The following DENND5B variants were observed in gnomAD, a reference collection of about 807,000 sequenced individuals.
DENND5B encodes the protein DENN domain containing 5B.
Under a neutral mutation model 140.6 loss-of-function variants are expected in DENND5B, and 34 were observed. The observed-to-expected ratio is 0.24, with a 90% confidence interval of 0.18 to 0.32. DENND5B has a LOEUF of 0.32. Among genes scored for constraint, DENND5B ranks in the 10% least tolerant of loss-of-function variants. The pLI is 1.00. For synonymous variants in DENND5B, 551 were observed against 562.1 expected (o/e 0.98, Z 0.28); for missense variants, 1,142 against 1,560.2 (o/e 0.73, Z 4.52).
intron 1 of DENND5B, among the ~76,000 whole-genome samples, chr12:31,562,140 G>C (rs1355750875): frequency 1.3e-5 from 2 of 152,096 alleles, no homozygotes; most frequent in African/African-American, 2.4e-5. Context: ...CCCTCAAGTA[G>C]CTTCAAGTCT....
At chr12:31,544,179 A>T (rs1948776828) in intron 1 of DENND5B, among the ~76,000 whole-genome samples, 1 of 152,282 alleles carries the variant, frequency 6.6e-6, no homozygotes, top group Non-Finnish European at 1.5e-5. Context: ...TAATGAATGA[A>T]TTAATTAAAT....
chr12:31,523,477 G>T (rs1947976379), intron 1 of DENND5B, among the ~76,000 whole-genome samples: 1 of 152,156 alleles, frequency 6.6e-6, no homozygotes, highest in East Asian at 1.9e-4. Context: ...AGTGGCCTAA[G>T]TGTAAGGCAA....
At chr12:31,458,817 A>G (rs1565599291) in intron 4 of DENND5B, among the ~76,000 whole-genome samples, 1 of 152,154 alleles carries the variant, frequency 6.6e-6, no homozygotes, top group Non-Finnish European at 1.5e-5. Flanking sequence ...CTAGTGATAT[A>G]ATGTAATTAA....
chr12:31,499,789 A>G, intron 1 of DENND5B: 1 of 682,584 alleles, frequency 1.5e-6, no homozygotes, highest in Non-Finnish European at 2.2e-6. Context: ...CACACAGGAG[A>G]CATTAACATT....
Position 31,383,685 on chromosome 12 carries a change from ACT to A in DENND5B, c.*3916_*3917del, listed in dbSNP as rs1183171977. The A allele has an allele frequency of 2.6e-5, 4 of 151,886 alleles. No homozygotes were observed. The highest frequency in any genetic ancestry group is 9.7e-5 in the African/African-American group (4 of 41,342). 9.4% of individuals were successfully genotyped at this position (151,886 alleles called of 1,614,324 possible). On this transcript the variant is annotated 3_prime_UTR_variant, in exon 21 of 21. Transcript: ENST00000389082. ...AGTAGCCTGCTTTTTCCCACGTAGG[ACT>A]CCACTTTATACTACTTCACACTGAC...
At chr12:31,508,938 T>C (rs973060392) in intron 1 of DENND5B, among the ~76,000 whole-genome samples, 7 of 152,102 alleles carry the variant, frequency 4.6e-5, no homozygotes, top group African/African-American at 1.7e-4. Context: ...AAAAGTCAAG[T>C]CACCTTTGGG....
intron 13 of DENND5B, 49 bp downstream of exon 13, chr12:31,413,387 T>C: frequency 2.5e-6 from 4 of 1,581,284 alleles, no homozygotes; most frequent in Non-Finnish European, 3.4e-6. Context: ...ACTTGTTTTG[T>C]ATGCACATGG....
At chr12:31,567,562 T>A (rs571853217) in intron 1 of DENND5B, among the ~76,000 whole-genome samples, 3 of 147,852 alleles carry the variant, frequency 2.0e-5, no homozygotes, top group East Asian at 2.0e-4. Flanking sequence ...CTAATTGGTT[T>A]CCCCACTTCA....
At position 31,441,784 on chromosome 12, in the gene DENND5B, G is replaced by A. The variant is rs372330814; in HGVS notation, c.2012+991C>T. ...GCTCACCGTAGCCTCAACCTCCTGG[G>A]GCTCAAGTGATTCTCCCACTTGAGT... On this transcript the variant is annotated intron_variant, in intron 7 of 20. Coordinates refer to ENST00000389082, the MANE Select transcript of DENND5B (RefSeq NM_144973.4). 3.3e-5 allele frequency among the ~76,000 whole-genome samples: 5 copies of A among 152,130 alleles called. No individual in the cohort carries two copies. In the East Asian group the frequency reaches 7.7e-4, roughly 23 times the overall value.
intron 14 of DENND5B, among the ~76,000 whole-genome samples, chr12:31,405,511 C>CAGGT (rs1942072012): frequency 6.9e-6 from 1 of 144,586 alleles, no homozygotes; most frequent in Non-Finnish European, 1.5e-5. Context: ...AGCCACCTGC[C>CAGGT]ATGTATGTAT....
At chr12:31,454,445 T>C (rs1235380942) in intron 4 of DENND5B, among the ~76,000 whole-genome samples, 1 of 152,092 alleles carries the variant, frequency 6.6e-6, no homozygotes, top group East Asian at 1.9e-4. Context: ...TACACCATTC[T>C]TTTCTTTTCT....
chr12:31,496,319 C>A (rs555738289), intron 1 of DENND5B, among the ~76,000 whole-genome samples: 9 of 152,128 alleles, frequency 5.9e-5, no homozygotes, highest in Non-Finnish European at 1.0e-4. Context: ...ACACTTAGAC[C>A]CCCATGCTAC....
In DENND5B at chr12:31,395,165, G is replaced by A. The variant is rs539358707; in HGVS notation, c.3257-2469C>T. Among the ~76,000 whole-genome samples the A allele has an allele frequency of 2.6e-4, 40 of 152,220 alleles. No homozygotes were observed. The South Asian group carries it at 8.3e-3, about 32-fold the overall frequency. On this transcript the variant is annotated intron_variant, in intron 17 of 20. Coordinates refer to ENST00000389082, the MANE Select transcript of DENND5B (RefSeq NM_144973.4). Reference sequence around the variant, plus strand: ...TCATTTCTTTTGTGTACATATCTAGGAGTAAGATTGCTGGGCCAAGCGTAC... The same window carrying A: ...TCATTTCTTTTGTGTACATATCTAGAAGTAAGATTGCTGGGCCAAGCGTAC...
rs79436766 is a variant in DENND5B, at chr12:31,399,785, G to A, written c.2950-13C>T. 22,232 of 1,602,386 alleles carry A rather than the reference G, an allele frequency of 0.014. 179 individuals are homozygous for A. Among genetic ancestry groups the A allele is most frequent in the East Asian group, 0.023 (1,009 of 44,804 alleles). ...CCAAGTTCTGGCACTGTAGGGACAG[G>A]ACCTTAGGTTATTTAGTACCCAATC... On this transcript the variant is annotated splice_polypyrimidine_tract_variant and intron_variant, in intron 15 of 20. Transcript: ENST00000389082.
intron 4 of DENND5B, among the ~76,000 whole-genome samples, chr12:31,457,535 T>A (rs1591826773): frequency 6.6e-6 from 1 of 152,158 alleles, no homozygotes; most frequent in Admixed American, 6.6e-5. Context: ...TACTAGTGAG[T>A]GCATTTAAGT....
At chr12:31,477,661 A>G (rs1945879338) in intron 3 of DENND5B, 1 of 165,082 alleles carries the variant, frequency 6.1e-6, no homozygotes, top group South Asian at 2.0e-4. Flanking sequence ...CTTGCAGATC[A>G]TGAAAAATAT....
intron 10 of DENND5B, among the ~76,000 whole-genome samples, chr12:31,424,248 T>C (rs898112187): frequency 5.9e-5 from 9 of 152,168 alleles, no homozygotes; most frequent in Non-Finnish European, 7.3e-5. Context: ...AAGGAACTGT[T>C]AATTCTGGAC....
rs2138934596 is a variant in DENND5B, at chr12:31,513,285, G to A, written c.128-17366C>T. On this transcript the variant is annotated intron_variant, in intron 1 of 20. Coordinates refer to ENST00000389082, the MANE Select transcript of DENND5B (RefSeq NM_144973.4). ...TAACCTTGATCACTTGGCTAAGATA[G>A]TGTTCTTCAGGCTTCTCCACAGAAA... is the stretch of plus-strand genomic sequence containing the variant. Among the ~76,000 whole-genome samples the A allele has an allele frequency of 1.3e-5, 2 of 152,286 alleles. 1 individual carries two copies. The highest frequency in any genetic ancestry group is 4.1e-4 in the South Asian group (2 of 4,822).
At chr12:31,574,415 C>T (rs1487550167) in intron 1 of DENND5B, among the ~76,000 whole-genome samples, 1 of 151,642 alleles carries the variant, frequency 6.6e-6, no homozygotes, top group African/African-American at 2.4e-5. Flanking sequence ...CACAGCAAAA[C>T]CCTGTCTCTA....
Sources: gnomAD v4.1 joint callset for allele counts (sites outside exome capture counted in the v4.1 genomes callset) on GRCh38, gnomAD v4.1.1 for gene constraint, MANE v1.5 for transcripts, NCBI Gene and HGNC (gene_info 2026-07-23, HGNC 2026-07-21) for gene names.